The following KCNQ2 variants were observed in gnomAD, a reference collection of about 807,000 sequenced individuals.
KCNQ2 encodes potassium voltage-gated channel subfamily KQT member 2.
A neutral mutation model predicts 84.8 loss-of-function variants in KCNQ2; 14 were observed. That is an observed-to-expected ratio of 0.17 (90% CI 0.11 to 0.26). The LOEUF (loss-of-function observed/expected upper bound fraction) is 0.26, where lower values mean the gene tolerates loss of function less well. Ranked by LOEUF, KCNQ2 falls within the 10% of genes least tolerant of loss-of-function variation. The pLI, the probability that KCNQ2 is intolerant of heterozygous loss-of-function variation, is 1.00. For synonymous variants in KCNQ2, 599 were observed against 554.1 expected (o/e 1.08, Z -1.14); for missense variants, 788 against 1,254.0 (o/e 0.63, Z 5.61).
chr20:63,419,236 C>A (rs923076630), intron 12 of KCNQ2, among the ~76,000 whole-genome samples: 1 of 151,600 alleles, frequency 6.6e-6, no homozygotes, highest in South Asian at 2.1e-4. Context: ...GCGGTCGAGG[C>A]AGCCAGGAAG....
intron 4 of KCNQ2, among the ~76,000 whole-genome samples, chr20:63,442,846 C>T (rs1600771066): frequency 2.0e-5 from 1 of 50,962 alleles, no homozygotes; most frequent in Non-Finnish European, 4.3e-5. Context: ...CCACCACCAT[C>T]ACCATCACCA....
chr20:63,414,964 G>T lies in KCNQ2; in HGVS notation c.1464C>A (p.Asp488Glu). 1 of 1,612,384 alleles carries T rather than the reference G, an allele frequency of 6.2e-7. No individual in the cohort carries two copies. The highest frequency in any genetic ancestry group is 1.1e-5 in the South Asian group (1 of 91,064). ...SKVPKSWSFGDRSRARQAFRI... is the reference protein window; with the variant it reads ...SKVPKSWSFGERSRARQAFRI... Reference sequence around the variant, plus strand: ...GGAAAGCCTGGCGTGCCCGGCTGCGGTCCCCGAAGCTCCAGCTCTTGGGCA... The same window carrying T: ...GGAAAGCCTGGCGTGCCCGGCTGCGTTCCCCGAAGCTCCAGCTCTTGGGCA... The change falls in exon 13 of 17, where the codon GAC (aspartate) becomes GAA (glutamate). Residue 488 changes from aspartate (D) to glutamate (E), a missense_variant. Physicochemically the swap from Asp to Glu is conservative, Grantham distance 45 (BLOSUM62 2). This residue lies in a region of KCNQ2 where 202 missense variants were observed against 239.4 expected (regional missense o/e 0.84). Coordinates refer to ENST00000359125, the MANE Select transcript of KCNQ2 (RefSeq NM_172107.4). This position sits in a 1 kb window ranked among gnomAD's most constrained non-coding sequence, Gnocchi z 6.6.
chr20:63,452,699 G>A (rs1002661232), intron 1 of KCNQ2, among the ~76,000 whole-genome samples: 5 of 152,240 alleles, frequency 3.3e-5, no homozygotes, highest in African/African-American at 1.2e-4. Flanking sequence ...GACTGATGCT[G>A]AAGGACAGTG....
chr20:63,466,439 G>A (rs1161012086), intron 1 of KCNQ2: 2 of 152,280 alleles, frequency 1.3e-5, no homozygotes, highest in African/African-American at 4.8e-5. Flanking sequence ...TGACCAATGG[G>A]ACTGAGAATC....
At chr20:63,410,029 G>C (rs907626174) in intron 15 of KCNQ2, 1 of 280,162 alleles carries the variant, frequency 3.6e-6, no homozygotes, top group African/African-American at 2.3e-5. Flanking sequence ...GAAACAGAGA[G>C]GGTTTCAGGC....
Position 63,436,298 on chromosome 20 carries a change from A to G in KCNQ2, c.1023+2327T>C, listed in dbSNP as rs545235424. 2.2e-4 allele frequency among the ~76,000 whole-genome samples: 33 copies of G among 151,770 alleles called. No individual in the cohort carries two copies. The South Asian group carries it at 3.3e-3, about 15-fold the overall frequency. On this transcript the variant is annotated intron_variant, in intron 7 of 16. Transcript: ENST00000359125. ...TGTAATCCCAGCACTTTGGGAGGCCAAGGCGGGAGGATCACGAAGTCAGGA... is the reference window on the plus strand; with the variant it reads ...TGTAATCCCAGCACTTTGGGAGGCCGAGGCGGGAGGATCACGAAGTCAGGA...
chr20:63,419,907 AC>A (rs1254336097), intron 11 of KCNQ2, among the ~76,000 whole-genome samples: 1 of 152,054 alleles, frequency 6.6e-6, no homozygotes. Flanking sequence ...CTCCAAAAAT[AC>A]CTTTTCCTTC....
Position 63,408,500 on chromosome 20 carries a change from C to A in KCNQ2, c.1800G>T (p.Thr600=). ...CCGGGCCCTTGGTGCGGTCCTTGTC[C>A]GTGATCGCTGGGCCCCGCCCCACGA... The part of the protein sequence containing the change: ...DQIVGRGPAI[T]DKDRTKGPAE... Residue 600 remains threonine, a synonymous_variant, in exon 16 of 17, where the codon ACG becomes ACT. Transcript: ENST00000359125. This position sits in a 1 kb window ranked among gnomAD's most constrained non-coding sequence, Gnocchi z 5.0. 2 of 1,609,438 alleles carry A rather than the reference C, an allele frequency of 1.2e-6. No individual in the cohort carries two copies. Among genetic ancestry groups the A allele is most frequent in the Non-Finnish European group, 8.5e-7 (1 of 1,178,714 alleles).
At chr20:63,436,613 C>G (rs543805360) in intron 7 of KCNQ2, among the ~76,000 whole-genome samples, 1 of 152,154 alleles carries the variant, frequency 6.6e-6, no homozygotes, top group Non-Finnish European at 1.5e-5. Flanking sequence ...GAGGTGAGAC[C>G]CCCTACCAGC....
chr20:63,457,819 C>T (rs2081843577), intron 1 of KCNQ2, among the ~76,000 whole-genome samples: 2 of 152,232 alleles, frequency 1.3e-5, no homozygotes, highest in South Asian at 4.1e-4. Context: ...CCCAGGGGCT[C>T]TGGGAGCTGC....
chr20:63,454,666 T>C (rs546864783), intron 1 of KCNQ2, among the ~76,000 whole-genome samples: 66 of 152,300 alleles, frequency 4.3e-4, no homozygotes, highest in African/African-American at 1.5e-3. Context: ...CTCATGCCCA[T>C]CTTAGAGAAG....
chr20:63,469,433 C>T (rs2082155582), intron 1 of KCNQ2, among the ~76,000 whole-genome samples: 1 of 152,258 alleles, frequency 6.6e-6, no homozygotes, highest in African/African-American at 2.4e-5. Flanking sequence ...CCCTCTCTAA[C>T]TCAGTGCTGG....
At chr20:63,442,317 A>T in intron 5 of KCNQ2, 89 bp downstream of exon 5, 1 of 1,458,348 alleles carries the variant, frequency 6.9e-7, no homozygotes, top group South Asian at 1.1e-5. Context: ...AGATGTATGG[A>T]GCAGGCTCAG....
At chr20:63,468,053 T>C (rs970749125) in intron 1 of KCNQ2, among the ~76,000 whole-genome samples, 9 of 152,202 alleles carry the variant, frequency 5.9e-5, no homozygotes, top group East Asian at 1.9e-4. Context: ...AGCAGCATCA[T>C]GTACAATGTC....
At chr20:63,450,813 G>C (rs1203070797) in intron 1 of KCNQ2, among the ~76,000 whole-genome samples, 1 of 151,968 alleles carries the variant, frequency 6.6e-6, no homozygotes, top group East Asian at 1.9e-4. Flanking sequence ...TACCAAGAAG[G>C]ATAAGATGTC....
rs535256935 is a variant in KCNQ2 at position 63,400,679 on chromosome 20, T to C, written c.*5965A>G. On this transcript the variant is annotated 3_prime_UTR_variant, in exon 17 of 17. Coordinates refer to ENST00000359125, the MANE Select transcript of KCNQ2 (RefSeq NM_172107.4). This position sits in a 1 kb window ranked among gnomAD's most constrained non-coding sequence, Gnocchi z 8.7. ...TGCAGCCACCGTCACGGCCAGAGGA[T>C]GGCAGACTGCAATGGCGTGGGGCGC... 75 of 398,642 alleles carry C rather than the reference T, an allele frequency of 1.9e-4. No homozygotes were observed. The Admixed American group carries it at 2.4e-3, about 13-fold the overall frequency. The allele number at this position is 398,642 out of a possible 1,614,324, so 24.7% of individuals were successfully genotyped here. A position where few individuals can be genotyped will look rare whatever the true frequency, so the allele number is the denominator to read the frequency against.
intron 7 of KCNQ2, chr20:63,434,141 G>A (rs568538466): frequency 1.3e-5 from 7 of 549,806 alleles, no homozygotes; most frequent in South Asian, 5.1e-5. Context: ...GGAGGGGAGC[G>A]GTTGGGGCTT....
Position 63,471,403 on chromosome 20 carries a change from G to A in KCNQ2, c.296+765C>T, listed in dbSNP as rs562395037. On this transcript the variant is annotated intron_variant, in intron 1 of 16. Transcript: ENST00000359125. ...CCGTTCCCTGAGCCTCGCCCGGGAA[G>A]AGGGGACAGCCCCTTCCAGGCCCAG... Among the ~76,000 whole-genome samples the A allele has an allele frequency of 5.7e-4, 87 of 152,364 alleles. 4 individuals carry two copies. In the South Asian group the frequency reaches 0.017, roughly 29 times the overall value.
At position 63,407,352 on chromosome 20, in the gene KCNQ2, C is replaced by T. The variant is rs866657600; in HGVS notation, c.1911G>A (p.Leu637=). The change falls in exon 17 of 17, where the codon CTG becomes CTA. Residue 637 remains leucine (L), a synonymous_variant. Transcript: ENST00000359125. The surrounding 1 kb of genome is among the most constrained non-coding windows in gnomAD (Gnocchi z 7.2). ...EKQVLSMEKK[L]DFLVNIYMQR... ...GCATGTAGATATTCACCAGGAAGTC[C>T]AGCTTCTTCTCCATGGACAAGACCT... 2 of 1,597,774 alleles carry T rather than the reference C, an allele frequency of 1.3e-6. No individual in the cohort carries two copies. Among genetic ancestry groups the T allele is most frequent in the Admixed American group, 1.7e-5 (1 of 59,964 alleles).
Sources: allele counts gnomAD v4.1 joint callset (sites outside exome capture counted in the v4.1 genomes callset), GRCh38; gene constraint gnomAD v4.1.1; regional missense constraint gnomAD v4.1.1; non-coding constraint Gnocchi (gnomAD v3.1); transcripts MANE v1.5; gene names NCBI Gene and HGNC (gene_info 2026-07-23, HGNC 2026-07-21).